ASIC2: variants seen among roughly 807,000 people sequenced by gnomAD.
ASIC2 encodes acid sensing ion channel subunit 2, also known as acid-sensing ion channel 2.
Under a neutral mutation model 57.3 loss-of-function variants are expected in ASIC2, and 25 were observed. That is an observed-to-expected ratio of 0.44 (90% confidence interval 0.32 to 0.61). ASIC2 has a LOEUF of 0.61. ASIC2 is among the 20% of genes least tolerant of loss of function. ASIC2 has a pLI of 0.06. For missense variants in ASIC2, 641 were observed against 738.1 expected, an observed-to-expected ratio of 0.87 and a Z score of 1.52; for synonymous variants, 319 against 307.5, an observed-to-expected ratio of 1.04 and a Z score of -0.39.
chr17:34,048,397 C>G (rs75212881), intron 1 of ASIC2, among the ~76,000 whole-genome samples: 2,587 of 152,280 alleles, frequency 0.017, 66 homozygotes, highest in East Asian at 0.059. Flanking sequence ...AGAAGTTGAA[C>G]TCGGTAGCTT....
At chr17:33,171,720 C>A (rs769540270) in intron 1 of ASIC2, among the ~76,000 whole-genome samples, 2 of 152,190 alleles carry the variant, frequency 1.3e-5, no homozygotes, top group African/African-American at 2.4e-5. Context: ...AAATAGAATC[C>A]TTTAACCTGG....
intron 1 of ASIC2, among the ~76,000 whole-genome samples, chr17:33,886,800 G>T (rs1277099445): frequency 3.3e-5 from 5 of 151,952 alleles, no homozygotes; most frequent in African/African-American, 4.8e-5. Flanking sequence ...AGCAGTATTG[G>T]CATCATGGGC....
chr17:33,231,647 G>A (rs189887515), intron 1 of ASIC2, among the ~76,000 whole-genome samples: 242 of 152,202 alleles, frequency 1.6e-3, no homozygotes, highest in African/African-American at 5.7e-3. Context: ...CCATCAGATC[G>A]AGGCCTGATG....
At chr17:33,949,340 C>T (rs1904486847) in intron 1 of ASIC2, among the ~76,000 whole-genome samples, 1 of 152,186 alleles carries the variant, frequency 6.6e-6, no homozygotes, top group Non-Finnish European at 1.5e-5. Flanking sequence ...TAGCTGTTCG[C>T]TGGCCATAGA....
chr17:33,927,566 G>T (rs1346854162), intron 1 of ASIC2, among the ~76,000 whole-genome samples: 1 of 152,196 alleles, frequency 6.6e-6, no homozygotes, highest in Non-Finnish European at 1.5e-5. Flanking sequence ...TTGATCCTGG[G>T]CTTCCCAGCC....
At chr17:33,846,046 G>T (rs1339042658) in intron 1 of ASIC2, among the ~76,000 whole-genome samples, 2 of 152,126 alleles carry the variant, frequency 1.3e-5, no homozygotes, top group Non-Finnish European at 2.9e-5. Context: ...GCAGAATTTT[G>T]TCTAAGATTA....
chr17:33,746,735 T>A (rs1910280271), intron 1 of ASIC2, among the ~76,000 whole-genome samples: 1 of 151,962 alleles, frequency 6.6e-6, no homozygotes, highest in Non-Finnish European at 1.5e-5. Context: ...TCCTAATAGA[T>A]CTCTACCGAG....
At chr17:33,206,814 CAGA>C (rs1478169426) in intron 1 of ASIC2, among the ~76,000 whole-genome samples, 1 of 152,080 alleles carries the variant, frequency 6.6e-6, no homozygotes, top group African/African-American at 2.4e-5. Flanking sequence ...TCAGAATTGC[CAGA>C]AGATCAGCAG....
chr17:33,054,077 A>G (rs936079914), intron 3 of ASIC2, among the ~76,000 whole-genome samples: 3 of 151,874 alleles, frequency 2.0e-5, no homozygotes, highest in Non-Finnish European at 4.4e-5. Context: ...GCCTGCAACC[A>G]TCTACCCAGC....
At chr17:33,522,144 T>C (rs534812591) in intron 1 of ASIC2, among the ~76,000 whole-genome samples, 65 of 152,336 alleles carry the variant, frequency 4.3e-4, no homozygotes, top group Non-Finnish European at 7.9e-4. Flanking sequence ...CACTCCTTCC[T>C]GTCACTGCTG....
At chr17:33,411,050 G>A (rs969829609) in intron 1 of ASIC2, among the ~76,000 whole-genome samples, 5 of 152,204 alleles carry the variant, frequency 3.3e-5, no homozygotes, top group African/African-American at 9.7e-5. Flanking sequence ...GAAAGTGAAA[G>A]CATGACTAGG....
intron 1 of ASIC2, among the ~76,000 whole-genome samples, chr17:33,933,659 G>GAAAA (rs1233398554): frequency 6.6e-6 from 1 of 152,134 alleles, no homozygotes; most frequent in South Asian, 2.1e-4. Context: ...TAGCAGGGAA[G>GAAAA]AAAATAAAAC....
At chr17:33,723,163 G>T (rs867336416) in intron 1 of ASIC2, among the ~76,000 whole-genome samples, 11 of 152,102 alleles carry the variant, frequency 7.2e-5, no homozygotes, top group Admixed American at 3.9e-4. Context: ...ATCGATTGTG[G>T]TCTAGTCATA....
intron 1 of ASIC2, among the ~76,000 whole-genome samples, chr17:33,275,085 C>T (rs1021325452): frequency 6.6e-6 from 1 of 152,292 alleles, no homozygotes; most frequent in African/African-American, 2.4e-5. Flanking sequence ...CAAGTCTGCA[C>T]CTGGGCTGGT....
intron 1 of ASIC2, among the ~76,000 whole-genome samples, chr17:33,707,901 G>C (rs1205929912): frequency 6.6e-6 from 1 of 152,154 alleles, no homozygotes; most frequent in African/African-American, 2.4e-5. Flanking sequence ...TCTCTGTTGG[G>C]TCAGCTTGAC....
intron 1 of ASIC2, among the ~76,000 whole-genome samples, chr17:33,513,204 T>C (rs1240015621): frequency 6.6e-6 from 1 of 152,236 alleles, no homozygotes; most frequent in African/African-American, 2.4e-5. Context: ...TCAATTGCAC[T>C]AATTTTAGCT....
At chr17:33,240,223 G>A (rs1409410808) in intron 1 of ASIC2, among the ~76,000 whole-genome samples, 1 of 152,178 alleles carries the variant, frequency 6.6e-6, no homozygotes, top group African/African-American at 2.4e-5. Flanking sequence ...TTTTGGTGGA[G>A]CACAGATGGC....
intron 1 of ASIC2, among the ~76,000 whole-genome samples, chr17:34,061,781 G>A (rs1019584073): frequency 1.3e-5 from 2 of 152,096 alleles, no homozygotes; most frequent in African/African-American, 4.8e-5. Flanking sequence ...AGACAAAGAA[G>A]GACATTATAT....
intron 1 of ASIC2, among the ~76,000 whole-genome samples, chr17:33,903,410 T>C (rs1024261531): frequency 6.6e-6 from 1 of 152,248 alleles, no homozygotes; most frequent in Admixed American, 6.5e-5. Context: ...ACCAGGCCTA[T>C]GAAATGTTAT....
Sources: gnomAD v4.1 joint callset for allele counts (sites outside exome capture counted in the v4.1 genomes callset) on GRCh38, gnomAD v4.1.1 for gene constraint, MANE v1.5 for transcripts, NCBI Gene and HGNC (gene_info 2026-07-23, HGNC 2026-07-21) for gene names.